LOC128462377: variants seen among roughly 807,000 people sequenced by gnomAD.
At chr16:89,394,413 G>A in the LOC128462377 span, among the ~76,000 whole-genome samples, 107 of 152,338 alleles carry the variant, frequency 7.0e-4, 2 homozygotes, top group East Asian at 0.017. Flanking sequence ...CAGATCACCT[G>A]AGGTCGGGAG....
At chr16:89,405,615 T>C in the LOC128462377 span, among the ~76,000 whole-genome samples, 10 of 151,786 alleles carry the variant, frequency 6.6e-5, no homozygotes, top group African/African-American at 2.4e-4. Flanking sequence ...ATTACAGGCC[T>C]GAGCCGCCAT....
chr16:89,323,396 A>G, the LOC128462377 span: 2 of 1,193,626 alleles, frequency 1.7e-6, no homozygotes, highest in African/African-American at 3.7e-5. Flanking sequence ...AGGGGAGAGC[A>G]AGCAGCCCAG....
the LOC128462377 span, among the ~76,000 whole-genome samples, chr16:89,348,758 C>T: frequency 6.6e-6 from 1 of 151,862 alleles, no homozygotes; most frequent in African/African-American, 2.4e-5. Flanking sequence ...CCTTATTGTA[C>T]TTTGAATGGC....
At chr16:89,331,985 C>A in the LOC128462377 span, among the ~76,000 whole-genome samples, 5 of 151,764 alleles carry the variant, frequency 3.3e-5, no homozygotes, top group African/African-American at 7.3e-5. Flanking sequence ...ACAAAACATT[C>A]AAAAAAAATT....
chr16:89,362,446 G>T, the LOC128462377 span, among the ~76,000 whole-genome samples: 2 of 152,214 alleles, frequency 1.3e-5, no homozygotes, highest in African/African-American at 4.8e-5. Context: ...ACAGAATGAA[G>T]TGAACAGCAC....
the LOC128462377 span, among the ~76,000 whole-genome samples, chr16:89,326,140 G>A: frequency 7.9e-5 from 12 of 152,362 alleles, no homozygotes; most frequent in South Asian, 4.1e-4. Context: ...AAAAGCAGGC[G>A]TGTGTGTTAA....
chr16:89,353,492 T>C, the LOC128462377 span, among the ~76,000 whole-genome samples: 2 of 152,212 alleles, frequency 1.3e-5, no homozygotes, highest in African/African-American at 4.8e-5. Flanking sequence ...TTTTTCATTT[T>C]TTTGAGACAG....
At chr16:89,318,197 T>C in the LOC128462377 span, among the ~76,000 whole-genome samples, 5 of 152,182 alleles carry the variant, frequency 3.3e-5, no homozygotes, top group African/African-American at 1.2e-4. Flanking sequence ...TCTGTGGCGA[T>C]GCCAACTTCC....
chr16:89,397,412 G>A, the LOC128462377 span, among the ~76,000 whole-genome samples: 2 of 152,228 alleles, frequency 1.3e-5, no homozygotes, highest in African/African-American at 4.8e-5. Context: ...TGTCCTCAGT[G>A]ATTCTGGACT....
At chr16:89,415,952 G>A in the LOC128462377 span, among the ~76,000 whole-genome samples, 2 of 151,854 alleles carry the variant, frequency 1.3e-5, no homozygotes, top group African/African-American at 4.8e-5. Context: ...GCTCAGCAGG[G>A]CCTCTCTGTA....
chr16:89,382,079 C>G, the LOC128462377 span, among the ~76,000 whole-genome samples: 1 of 152,208 alleles, frequency 6.6e-6, no homozygotes, highest in Non-Finnish European at 1.5e-5. Flanking sequence ...GAATGGGGCC[C>G]AGGCAGGCGC....
the LOC128462377 span, among the ~76,000 whole-genome samples, chr16:89,385,169 C>G: frequency 4.8e-3 from 723 of 151,404 alleles, 9 homozygotes; most frequent in African/African-American, 0.016. Flanking sequence ...AGCCACTGTA[C>G]CCGGCCTTGA....
At chr16:89,323,973 C>T in the LOC128462377 span, 4 of 225,070 alleles carry the variant, frequency 1.8e-5, no homozygotes, top group African/African-American at 9.4e-5. Flanking sequence ...TCCCCTGCAC[C>T]CCAAAATTCA....
At chr16:89,360,390 CCCA>C in the LOC128462377 span, among the ~76,000 whole-genome samples, 4 of 152,176 alleles carry the variant, frequency 2.6e-5, no homozygotes, top group African/African-American at 9.7e-5. Flanking sequence ...CATCACCATG[CCCA>C]CTTTTCCATC....
chr16:89,339,829 A>C, the LOC128462377 span: 4 of 152,094 alleles, frequency 2.6e-5, no homozygotes, highest in Non-Finnish European at 5.9e-5. Context: ...CGTCGATCTG[A>C]TTTTGGGGCT....
chr16:89,321,451 G>A, the LOC128462377 span, among the ~76,000 whole-genome samples: 7 of 145,646 alleles, frequency 4.8e-5, no homozygotes, highest in Admixed American at 2.7e-4. Flanking sequence ...GGTGTGGGGC[G>A]GGAGCTGCGG....
At chr16:89,414,953 T>G in the LOC128462377 span, among the ~76,000 whole-genome samples, 1 of 152,192 alleles carries the variant, frequency 6.6e-6, no homozygotes, top group Non-Finnish European at 1.5e-5. Flanking sequence ...ATTCTTATTC[T>G]TCTTTATTTG....
chr16:89,318,570 G>C, the LOC128462377 span, among the ~76,000 whole-genome samples: 1 of 146,926 alleles, frequency 6.8e-6, no homozygotes, highest in African/African-American at 2.5e-5. Flanking sequence ...ACCCATCTGT[G>C]AGTGGCAGCT....
chr16:89,347,451 A>T, the LOC128462377 span, among the ~76,000 whole-genome samples: 3 of 152,144 alleles, frequency 2.0e-5, no homozygotes, highest in African/African-American at 7.2e-5. Context: ...CTACTAAAAA[A>T]TACAAAAAAA....
Sources: allele counts gnomAD v4.1 joint callset (sites outside exome capture counted in the v4.1 genomes callset), GRCh38; gene constraint gnomAD v4.1.1; transcripts MANE v1.5.